The following NUMBL variants were observed in gnomAD, a reference collection of about 807,000 sequenced individuals.
NUMBL encodes the protein NUMB like endocytic adaptor protein.
NUMBL carries 20 observed loss-of-function variants against 48.9 expected under a neutral mutation model. The observed-to-expected ratio is 0.41, with a 90% CI of 0.29 to 0.59. NUMBL has a LOEUF of 0.59. Among genes scored for constraint, NUMBL ranks in the 20% least tolerant of loss-of-function variants. The pLI is 0.31. For missense variants in NUMBL, 660 were observed against 846.2 expected (o/e 0.78, Z 2.73); for synonymous variants, 340 against 348.7 (o/e 0.98, Z 0.28).
rs1238559230 is a variant in NUMBL, at chr19:40,684,474, G to A, written c.192C>T (p.His64=). The A allele has an allele frequency of 8.8e-6, 14 of 1,589,508 alleles. No homozygotes were observed. Among genetic ancestry groups the A allele is most frequent in the African/African-American group, 1.3e-5 (1 of 74,482 alleles). Residue 64 remains histidine, a synonymous_variant, in exon 3 of 10, where the codon CAC becomes CAT. Coordinates refer to ENST00000252891, the MANE Select transcript of NUMBL (RefSeq NM_004756.5). ...PAYVPEASRP[H]QWQADEDAVR... ...CCGCGTCCTCGTCTGCCTGCCACTGGTGCGGGCGCGACGCCTCGGGCACGT... is the reference window on the plus strand; with the variant it reads ...CCGCGTCCTCGTCTGCCTGCCACTGATGCGGGCGCGACGCCTCGGGCACGT...
At position 40,673,202 on chromosome 19, in the gene NUMBL, G is replaced by A. The variant is rs929731889; in HGVS notation, c.1036+142C>T. The A allele has an allele frequency of 1.1e-6, 1 of 886,830 alleles. No homozygotes were observed. Among genetic ancestry groups the A allele is most frequent in the Non-Finnish European group, 1.7e-6 (1 of 597,508 alleles). 54.9% of individuals were successfully genotyped at this position (886,830 alleles called of 1,614,324 possible). On this transcript the variant is annotated intron_variant, in intron 8 of 9. Transcript: ENST00000252891. This position sits in a 1 kb window ranked among gnomAD's most constrained non-coding sequence, Gnocchi z 5.9. ...CCCTTGCCCACTGCTAATCGATCATGACATGTTCCCACTCTCTCTCCTTTG... is the reference window on the plus strand; with the variant it reads ...CCCTTGCCCACTGCTAATCGATCATAACATGTTCCCACTCTCTCTCCTTTG...
rs543307568 is a variant in NUMBL at position 40,680,707 on chromosome 19, C to A, written c.540+210G>T. ...CAGGCAATCCCCCCGCCCCAGCATC[C>A]CAAAGTGCTGGGATTACAGGTGTGA... is the stretch of plus-strand genomic sequence containing the variant. On this transcript the variant is annotated intron_variant, in intron 6 of 9. Transcript: ENST00000252891. Among the ~76,000 whole-genome samples the A allele has an allele frequency of 2.0e-5, 3 of 152,274 alleles. No individual in the cohort carries two copies. The East Asian group carries it at 5.8e-4, about 29-fold the overall frequency.
intron 6 of NUMBL, among the ~76,000 whole-genome samples, chr19:40,678,264 G>C (rs1234148676): frequency 6.6e-6 from 1 of 152,154 alleles, no homozygotes; most frequent in East Asian, 1.9e-4. Context: ...CCGGCTTCAA[G>C]CGATTCTCCT....
intron 9 of NUMBL, 35 bp downstream of exon 9, chr19:40,669,863 G>GGGGATA: frequency 1.2e-6 from 2 of 1,605,292 alleles, no homozygotes; most frequent in Non-Finnish European, 1.7e-6. Flanking sequence ...GGAGGGACAT[G>GGGGATA]CAGGGTGTCT....
intron 2 of NUMBL, among the ~76,000 whole-genome samples, chr19:40,686,550 A>ATG (rs60843360): frequency 0.63 from 95,925 of 151,468 alleles, 31,872 homozygotes; most frequent in African/African-American, 0.83. Flanking sequence ...TTGTCTAGGA[A>ATG]TGTGTGTGTG....
At chr19:40,683,701 G>A (rs1228472829) in intron 3 of NUMBL, among the ~76,000 whole-genome samples, 1 of 152,184 alleles carries the variant, frequency 6.6e-6, no homozygotes, top group Non-Finnish European at 1.5e-5. Flanking sequence ...CGTCCTTATC[G>A]GTAGAGCGCT....
In NUMBL at chr19:40,686,980, G is replaced by A. The variant is rs2081938528; in HGVS notation, c.40C>T (p.Pro14Ser). ...SAAASGGPRR[P>S]ERHLPPAPCG... is the part of the protein sequence containing the mutation. ...GGGGCTGGGGGCAGGTGCCGCTCAG[G>A]CCTCCGGGGTCCGCCCTGCCCGAGT... Residue 14 changes from proline to serine, a missense_variant, in exon 2 of 10, where the codon CCT (proline) becomes TCT (serine). Transcript: ENST00000252891. 6.6e-7 allele frequency: 1 copy of A among 1,521,340 alleles called. No individual in the cohort carries two copies. The highest frequency in any genetic ancestry group is 1.4e-5 in the African/African-American group (1 of 71,084). The allele number at this position is 1,521,340 out of a possible 1,614,324, so 94.2% of individuals were successfully genotyped here. A position where few individuals can be genotyped will look rare whatever the true frequency, so the allele number is the denominator to read the frequency against.
rs140220287 is a variant in NUMBL at position 40,682,761 on chromosome 19, G to A, written c.366C>T (p.Ala122=). The part of the protein sequence containing the change: ...KSVKSVLWVS[A]DGLRVVDDKT... Reference sequence around the variant, plus strand: ...TGTCGTCCACCACTCGGAGCCCATCGGCTGACACCCACAGGACAGACTTCA... The same window carrying A: ...TGTCGTCCACCACTCGGAGCCCATCAGCTGACACCCACAGGACAGACTTCA... The change falls in exon 5 of 10, where the codon GCC becomes GCT. Residue 122 remains alanine (A), a synonymous_variant. Transcript: ENST00000252891. The surrounding 1 kb of genome is among the most constrained non-coding windows in gnomAD (Gnocchi z 4.0). 94 of 1,614,146 alleles carry A rather than the reference G, an allele frequency of 5.8e-5. No homozygotes were observed. In the East Asian group the frequency reaches 1.0e-3, roughly 18 times the overall value.
intron 3 of NUMBL, 42 bp downstream of exon 3, chr19:40,684,375 C>G (rs905429365): frequency 1.0e-4 from 153 of 1,530,988 alleles, no homozygotes; most frequent in Non-Finnish European, 1.3e-4. Flanking sequence ...CACAGCGGCC[C>G]CCGTCCCCCT....
At position 40,673,571 on chromosome 19, in the gene NUMBL, G is replaced by A; in HGVS notation, c.809C>T (p.Ser270Phe). The stretch of plus-strand genomic sequence containing the variant: ...GCCTGCCTCACCCTTCTCACCAGGG[G>A]ATGTGGTGGCTGGTGTCGGGGACAC... ...GHVSPTPATT[S>F]PGEKGEAGTP... Residue 270 changes from serine (S) to phenylalanine (F), a missense_variant, in exon 8 of 10, where the codon TCC (serine) becomes TTC (phenylalanine). Transcript: ENST00000252891. The surrounding 1 kb of genome is among the most constrained non-coding windows in gnomAD (Gnocchi z 5.9). The A allele has an allele frequency of 6.5e-7, 1 of 1,546,926 alleles. No individual in the cohort carries two copies. The highest frequency in any genetic ancestry group is 8.7e-7 in the Non-Finnish European group (1 of 1,143,588).
In NUMBL at chr19:40,670,024, G is replaced by A; in HGVS notation, c.1037-4C>T. 1 of 1,613,392 alleles carries A rather than the reference G, an allele frequency of 6.2e-7. No individual in the cohort carries two copies. Among genetic ancestry groups the A allele is most frequent in the Non-Finnish European group, 8.5e-7 (1 of 1,179,658 alleles). Reference sequence around the variant, plus strand: ...CCAGGAGGCTCCATCTCAGGCACTGGGAAGCAGGGCAGGACAGAGGTCAGC... The same window carrying A: ...CCAGGAGGCTCCATCTCAGGCACTGAGAAGCAGGGCAGGACAGAGGTCAGC... On this transcript the variant is annotated splice_polypyrimidine_tract_variant and splice_region_variant and intron_variant, in intron 8 of 9. Coordinates refer to ENST00000252891, the MANE Select transcript of NUMBL (RefSeq NM_004756.5).
intron 2 of NUMBL, chr19:40,684,868 A>T: frequency 3.0e-6 from 1 of 334,350 alleles, no homozygotes; most frequent in Non-Finnish European, 5.5e-6. Flanking sequence ...CTTCTTGTCC[A>T]TGTGGTGGAT....
At chr19:40,680,812 G>A in intron 6 of NUMBL, 105 bp downstream of exon 6, 3 of 1,261,490 alleles carry the variant, frequency 2.4e-6, no homozygotes, top group South Asian at 1.3e-5. Context: ...AGGAAACTGG[G>A]CACACAGAGG....
At chr19:40,672,487 C>G (rs2081853424) in intron 8 of NUMBL, among the ~76,000 whole-genome samples, 1 of 152,258 alleles carries the variant, frequency 6.6e-6, no homozygotes, top group South Asian at 2.1e-4. Context: ...CTGCTCAACT[C>G]TGTGCCTACA....
In NUMBL at chr19:40,684,652, A is replaced by T. The variant is rs1240848840; in HGVS notation, c.110-96T>A. 3.4e-6 allele frequency: 5 copies of T among 1,450,250 alleles called. No homozygotes were observed. In the African/African-American group the frequency reaches 7.2e-5, roughly 21 times the overall value. 89.8% of individuals were successfully genotyped at this position (1,450,250 alleles called of 1,614,324 possible). A position where few individuals can be genotyped will look rare whatever the true frequency, so the allele number is the denominator to read the frequency against. On this transcript the variant is annotated intron_variant, in intron 2 of 9. Transcript: ENST00000252891. ...CAGTGCTCAGGGAGCATGGGGTCAG[A>T]TAACAAGATAACTGGAAGCGGGGTT... is the stretch of plus-strand genomic sequence containing the variant.
At chr19:40,672,196 T>A (rs1381168212) in intron 8 of NUMBL, among the ~76,000 whole-genome samples, 2 of 152,210 alleles carry the variant, frequency 1.3e-5, no homozygotes, top group African/African-American at 4.8e-5. Context: ...CACTTTTAGA[T>A]CATGATGTAC....
At chr19:40,671,322 G>A (rs76538711) in intron 8 of NUMBL, among the ~76,000 whole-genome samples, 4,805 of 152,192 alleles carry the variant, frequency 0.032, 122 homozygotes, top group Non-Finnish European at 0.036. Flanking sequence ...TGTGTGACTT[G>A]AGAGTATACC....
rs574266815 is a variant in NUMBL, at chr19:40,672,460, C to T, written c.1036+884G>A. On this transcript the variant is annotated intron_variant, in intron 8 of 9. Transcript: ENST00000252891. ...TCAATTATGATGTGCTGCTCCTTTT[C>T]GTGATGGGTACTGCCTCTGCTCAAC... is the stretch of plus-strand genomic sequence containing the variant. Among the ~76,000 whole-genome samples, 364 of 152,316 alleles carry T rather than the reference C, an allele frequency of 2.4e-3. 5 individuals are homozygous for T. Among genetic ancestry groups the T allele is most frequent in the Non-Finnish European group, 7.9e-4 (54 of 68,020 alleles).
At chr19:40,671,942 G>A (rs555928853) in intron 8 of NUMBL, among the ~76,000 whole-genome samples, 23 of 152,098 alleles carry the variant, frequency 1.5e-4, no homozygotes, top group South Asian at 4.1e-4. Context: ...GTGAAGTGGC[G>A]CAATCTTAGC....
Sources: gnomAD v4.1 joint callset for allele counts (sites outside exome capture counted in the v4.1 genomes callset) on GRCh38, gnomAD v4.1.1 for gene constraint, Gnocchi (gnomAD v3.1) non-coding constraint, MANE v1.5 for transcripts, NCBI Gene and HGNC (gene_info 2026-07-23, HGNC 2026-07-21) for gene names.